Variants in GLYR1 observed in about 807,000 individuals in gnomAD.
GLYR1 encodes the protein glyoxylate reductase 1 homolog.
Under a neutral mutation model 72.7 loss-of-function variants are expected in GLYR1, and 21 were observed. The observed-to-expected ratio is 0.29, with a 90% confidence interval of 0.20 to 0.42. The LOEUF (loss-of-function observed/expected upper bound fraction) is 0.42, where lower values mean the gene tolerates loss of function less well. Ranked by LOEUF, GLYR1 falls within the 10% of genes least tolerant of loss-of-function variation. GLYR1 has a pLI of 1.00. For synonymous variants in GLYR1, 392 were observed against 270.2 expected (o/e 1.45, Z -4.42); for missense variants, 594 against 712.1 (o/e 0.83, Z 1.89).
intron 3 of GLYR1, among the ~76,000 whole-genome samples, chr16:4,835,183 C>T (rs79340663): frequency 1.7e-3 from 254 of 152,278 alleles, no homozygotes; most frequent in Middle Eastern, 6.8e-3. Context: ...CCCACCCACG[C>T]CATCCTGCTA....
chr16:4,807,367 C>T (rs540123502), intron 15 of GLYR1, among the ~76,000 whole-genome samples: 1 of 152,210 alleles, frequency 6.6e-6, no homozygotes, highest in African/African-American at 2.4e-5. Flanking sequence ...CCCGCCTCAG[C>T]CTCCCAAAGT....
intron 3 of GLYR1, among the ~76,000 whole-genome samples, chr16:4,835,690 G>T (rs1332617401): frequency 6.6e-6 from 1 of 152,136 alleles, no homozygotes; most frequent in African/African-American, 2.4e-5. Flanking sequence ...AATTAGCTGG[G>T]TGTAGTGGCA....
intron 5 of GLYR1, among the ~76,000 whole-genome samples, chr16:4,828,081 T>C (rs918962017): frequency 6.6e-6 from 1 of 151,776 alleles, no homozygotes; most frequent in African/African-American, 2.4e-5. Context: ...TATATATATA[T>C]TTTTTTGAGA....
chr16:4,805,354 C>G, intron 15 of GLYR1, 44 bp from the exon 16 acceptor site: 5 of 1,531,870 alleles, frequency 3.3e-6, no homozygotes, highest in Non-Finnish European at 3.6e-6. Flanking sequence ...CCAGAGCTGC[C>G]TTCAAGACCT....
rs201429909 is a variant in GLYR1 at position 4,808,270 on chromosome 16, CAGAGAA to C, written c.1587+2894_1587+2899del. On this transcript the variant is annotated intron_variant, in intron 15 of 15. Coordinates refer to ENST00000321919, the MANE Select transcript of GLYR1 (RefSeq NM_032569.4). ...AAAAAAAAAAAATACAATTCAGGAA[CAGAGAA>C]TTATACTATGAAAAGCCAGGTGTCA... Among the ~76,000 whole-genome samples, 602 of 144,538 alleles carry C rather than the reference CAGAGAA, an allele frequency of 4.2e-3. 14 individuals carry two copies. The East Asian group carries it at 0.077, about 19-fold the overall frequency. 94.8% of individuals were successfully genotyped at this position (144,538 alleles called of 152,430 possible). A position where few individuals can be genotyped will look rare whatever the true frequency, so the allele number is the denominator to read the frequency against.
chr16:4,803,348 CACA>C lies in GLYR1; in HGVS notation c.*1885_*1887del, dbSNP rs1426213005. 4 of 152,604 alleles carry C rather than the reference CACA, an allele frequency of 2.6e-5. No individual in the cohort carries two copies. In the East Asian group the frequency reaches 7.7e-4, roughly 29 times the overall value. The allele number at this position is 152,604 out of a possible 1,614,324, so 9.5% of individuals were successfully genotyped here. Reference sequence around the variant, plus strand: ...TAAAAACAAAGCAAAAATAAAAATTCACAACCTTAATTACCTAGATTTGTCATT... The same window carrying C: ...TAAAAACAAAGCAAAAATAAAAATTCACCTTAATTACCTAGATTTGTCATT... On this transcript the variant is annotated 3_prime_UTR_variant, in exon 16 of 16. Coordinates refer to ENST00000321919, the MANE Select transcript of GLYR1 (RefSeq NM_032569.4).
rs147631964 is a variant in GLYR1, at chr16:4,840,713, T to C, written c.155+4361A>G. Among the ~76,000 whole-genome samples the C allele has an allele frequency of 6.8e-4, 104 of 152,326 alleles. 1 individual carries two copies. Among genetic ancestry groups the C allele is most frequent in the Non-Finnish European group, 1.1e-3 (74 of 68,032 alleles). On this transcript the variant is annotated intron_variant, in intron 3 of 15. Coordinates refer to ENST00000321919, the MANE Select transcript of GLYR1 (RefSeq NM_032569.4). ...TGAGGTAGGGGGTATCATCCCCTTA[T>C]GTAGAGGACACAGAGGCTCAGAAAG...
chr16:4,813,979 T>G (rs1032019260), intron 11 of GLYR1, 141 bp from the exon 12 acceptor site: 4 of 594,796 alleles, frequency 6.7e-6, no homozygotes, highest in Non-Finnish European at 1.1e-5. Context: ...AACAATGAAA[T>G]AAGCAAGGGA....
chr16:4,824,928 C>G lies in GLYR1; in HGVS notation c.538-1021G>C, dbSNP rs1024778307. On this transcript the variant is annotated intron_variant, in intron 5 of 15. Transcript: ENST00000321919. ...CTTAGAAAACGCCTGCTCCATTCTA[C>G]TAGGCCGATATCTTTAGAGCCCTTC... 1.1e-4 allele frequency among the ~76,000 whole-genome samples: 17 copies of G among 152,314 alleles called. No homozygotes were observed. In the South Asian group the frequency reaches 1.2e-3, roughly 11 times the overall value.
At chr16:4,845,617 C>T (rs142242761) in intron 2 of GLYR1, among the ~76,000 whole-genome samples, 1 of 152,144 alleles carries the variant, frequency 6.6e-6, no homozygotes, top group African/African-American at 2.4e-5. Context: ...ACAACCGAGG[C>T]ACAGAAAACA....
At chr16:4,828,127 T>C (rs1307995912) in intron 5 of GLYR1, among the ~76,000 whole-genome samples, 1 of 151,682 alleles carries the variant, frequency 6.6e-6, no homozygotes. Context: ...TGGGGTGCAG[T>C]GGCGTGATCT....
intron 15 of GLYR1, among the ~76,000 whole-genome samples, chr16:4,808,798 G>A (rs17137289): frequency 0.11 from 17,173 of 151,438 alleles, 1,568 homozygotes; most frequent in African/African-American, 0.26. Context: ...ACCCTAAAAA[G>A]CTTTTCGAAA....
chr16:4,816,849 T>C (rs967427842), intron 10 of GLYR1, among the ~76,000 whole-genome samples: 7 of 151,820 alleles, frequency 4.6e-5, no homozygotes, highest in African/African-American at 1.7e-4. Context: ...TAGCCAGGTG[T>C]GGTGGCGCGC....
At chr16:4,828,231 G>A (rs913910154) in intron 5 of GLYR1, among the ~76,000 whole-genome samples, 5 of 151,648 alleles carry the variant, frequency 3.3e-5, no homozygotes, top group Middle Eastern at 3.4e-3. Context: ...CACCATGCCC[G>A]GCTAATTTTT....
chr16:4,820,916 C>T (rs1360611966), intron 9 of GLYR1, among the ~76,000 whole-genome samples: 1 of 152,222 alleles, frequency 6.6e-6, no homozygotes, highest in Non-Finnish European at 1.5e-5. Flanking sequence ...ACTTTCATCT[C>T]CCTTCCCCCA....
At chr16:4,825,447 G>C (rs1713162296) in intron 5 of GLYR1, among the ~76,000 whole-genome samples, 2 of 152,264 alleles carry the variant, frequency 1.3e-5, no homozygotes, top group Non-Finnish European at 2.9e-5. Flanking sequence ...GGCTCGCTTT[G>C]GGACTCTGCT....
At chr16:4,832,295 C>T (rs1270420226) in intron 4 of GLYR1, 74 bp from the exon 5 acceptor site, 1 of 1,565,054 alleles carries the variant, frequency 6.4e-7, no homozygotes, top group Non-Finnish European at 8.7e-7. Context: ...TTTACAGGTG[C>T]CATGTGCTGC....
chr16:4,824,750 G>A (rs1003738568), intron 5 of GLYR1, among the ~76,000 whole-genome samples: 1 of 152,028 alleles, frequency 6.6e-6, no homozygotes, highest in Non-Finnish European at 1.5e-5. Context: ...CCTTCTTCCT[G>A]GGCAAAGGGT....
At chr16:4,807,907 T>C (rs888390141) in intron 15 of GLYR1, among the ~76,000 whole-genome samples, 1 of 152,194 alleles carries the variant, frequency 6.6e-6, no homozygotes, top group Non-Finnish European at 1.5e-5. Context: ...ATAAGTACTC[T>C]GAAATGTTGA....
Sources: gnomAD v4.1 joint callset for allele counts (sites outside exome capture counted in the v4.1 genomes callset) on GRCh38, gnomAD v4.1.1 for gene constraint, MANE v1.5 for transcripts, NCBI Gene and HGNC (gene_info 2026-07-23, HGNC 2026-07-21) for gene names.